Variants in LY96 observed in about 807,000 individuals in gnomAD.
The protein encoded by LY96 is myeloid differentiation protein-2.
In LY96, 18 loss-of-function variants were observed where a neutral mutation model predicts 18.9. The observed-to-expected ratio is 0.95, with a 90% CI of 0.66 to 1.41. LY96 has a LOEUF of 1.41. Among genes scored for constraint, LY96 ranks in the 40% most tolerant of loss-of-function variants. The pLI is 0.00. For synonymous variants in LY96, 66 were observed against 62.6 expected, an observed-to-expected ratio of 1.06 and a Z score of -0.26; for missense variants, 175 against 182.4, an observed-to-expected ratio of 0.96 and a Z score of 0.23.
At chr8:74,059,351 T>C in the LY96 span, among the ~76,000 whole-genome samples, 3 of 152,210 alleles carry the variant, frequency 2.0e-5, no homozygotes, top group Non-Finnish European at 2.9e-5. Context: ...AATCCCAACA[T>C]TATTGTGTGG....
chr8:74,072,759 G>T, the LY96 span, among the ~76,000 whole-genome samples: 1 of 152,272 alleles, frequency 6.6e-6, no homozygotes, highest in African/African-American at 2.4e-5. Flanking sequence ...AAGAGGAAAA[G>T]CCTGAAAGCA....
At chr8:74,049,524 C>T in the LY96 span, among the ~76,000 whole-genome samples, 29 of 151,978 alleles carry the variant, frequency 1.9e-4, no homozygotes, top group Non-Finnish European at 2.9e-5. Flanking sequence ...GAGGTTGATG[C>T]GGCTGATTTC....
intron 1 of LY96, among the ~76,000 whole-genome samples, chr8:73,993,004 G>A (rs573277259): frequency 1.7e-4 from 25 of 151,408 alleles, no homozygotes; most frequent in African/African-American, 3.6e-4. Flanking sequence ...ACAGGTGTGC[G>A]CCACCACACC....
the LY96 span, among the ~76,000 whole-genome samples, chr8:74,041,432 A>G: frequency 6.6e-6 from 1 of 152,230 alleles, no homozygotes; most frequent in South Asian, 2.1e-4. Context: ...AGGGAAGACA[A>G]CCATAAGGTC....
At chr8:74,068,089 A>AATATATATATATATATATATATATATAT in the LY96 span, among the ~76,000 whole-genome samples, 39 of 67,878 alleles carry the variant, frequency 5.7e-4, no homozygotes, top group African/African-American at 8.6e-4. Flanking sequence ...AAAAAAAAAA[A>AATATATATATATATATATATATATATAT]ATATATATAT....
chr8:74,045,028 C>T, the LY96 span, among the ~76,000 whole-genome samples: 1 of 152,282 alleles, frequency 6.6e-6, no homozygotes, highest in African/African-American at 2.4e-5. Context: ...GGCTTCAGAG[C>T]ATGACTGGGT....
Position 73,994,312 on chromosome 8 carries a change from C to T in LY96, c.112+2758C>T, listed in dbSNP as rs1586643724. Among the ~76,000 whole-genome samples, 9 of 152,294 alleles carry T rather than the reference C, an allele frequency of 5.9e-5. 1 individual carries two copies. The South Asian group carries it at 1.9e-3, about 32-fold the overall frequency. Reference sequence around the variant, plus strand: ...TGCCATCCCCACTGCCATATGACTGCCTTCCCGGCCTGAGAGAATCCATCC... The same window carrying T: ...TGCCATCCCCACTGCCATATGACTGTCTTCCCGGCCTGAGAGAATCCATCC... On this transcript the variant is annotated intron_variant, in intron 1 of 4. Coordinates refer to ENST00000284818, the MANE Select transcript of LY96 (RefSeq NM_015364.5).
chr8:74,090,188 G>C, the LY96 span, among the ~76,000 whole-genome samples: 1 of 152,130 alleles, frequency 6.6e-6, no homozygotes, highest in Non-Finnish European at 1.5e-5. Flanking sequence ...AATCATCTAG[G>C]TGGCTTTGGA....
At position 73,996,372 on chromosome 8, in the gene LY96, C is replaced by CCTTCCTTCATTTCTTTCTTTCTTT. The variant is rs1816135382; in HGVS notation, c.112+4821_112+4822insCCTTCATTTCTTTCTTTCTTTCTT. Among the ~76,000 whole-genome samples the CCTTCCTTCATTTCTTTCTTTCTTT allele has an allele frequency of 1.2e-3, 132 of 111,006 alleles. 3 individuals are homozygous for CCTTCCTTCATTTCTTTCTTTCTTT. The highest frequency in any genetic ancestry group is 3.5e-3 in the East Asian group (11 of 3,154). 72.8% of individuals were successfully genotyped at this position (111,006 alleles called of 152,430 possible). On this transcript the variant is annotated intron_variant, in intron 1 of 4. Transcript: ENST00000284818. ...TCCTTCCTTCCTTCCTTCCTTCATTCCTTTCTTTCTTTCTTTCTTTCTTTC... is the reference window on the plus strand; with the variant it reads ...TCCTTCCTTCCTTCCTTCCTTCATTCCTTCCTTCATTTCTTTCTTTCTTTCTTTCTTTCTTTCTTTCTTTCTTTC...
At chr8:74,037,313 G>C in the LY96 span, among the ~76,000 whole-genome samples, 2 of 152,086 alleles carry the variant, frequency 1.3e-5, no homozygotes, top group African/African-American at 4.8e-5. Flanking sequence ...AGATGATACT[G>C]TGAACAGAAG....
the LY96 span, among the ~76,000 whole-genome samples, chr8:74,087,893 T>C: frequency 6.6e-6 from 1 of 152,164 alleles, no homozygotes; most frequent in African/African-American, 2.4e-5. Context: ...TTTATGGGTC[T>C]TCCTCTGAAA....
intron 1 of LY96, among the ~76,000 whole-genome samples, chr8:73,999,867 CT>C (rs1301926566): frequency 2.6e-5 from 4 of 152,030 alleles, no homozygotes; most frequent in African/African-American, 9.7e-5. Flanking sequence ...ATATATAAGA[CT>C]ATGTCATCTG....
At chr8:74,081,087 C>CTTTCTTTCTTTCTT in the LY96 span, among the ~76,000 whole-genome samples, 4 of 92,954 alleles carry the variant, frequency 4.3e-5, no homozygotes, top group East Asian at 9.6e-4. Context: ...TTCTCTTTCT[C>CTTTCTTTCTTTCTT]TCTTTCTTTC....
intron 1 of LY96, among the ~76,000 whole-genome samples, chr8:73,994,245 GC>G (rs1816074926): frequency 6.6e-6 from 1 of 152,076 alleles, no homozygotes; most frequent in Non-Finnish European, 1.5e-5. Flanking sequence ...GGGACTGTGG[GC>G]AAGCCACTGG....
At chr8:74,097,410 G>T in the LY96 span, among the ~76,000 whole-genome samples, 5 of 152,120 alleles carry the variant, frequency 3.3e-5, no homozygotes, top group African/African-American at 4.8e-5. Context: ...TAGAAGAGTT[G>T]ATATTTATAA....
chr8:74,067,284 T>C, the LY96 span, among the ~76,000 whole-genome samples: 1 of 152,114 alleles, frequency 6.6e-6, no homozygotes, highest in Admixed American at 6.5e-5. Flanking sequence ...CAGGCTGGAG[T>C]GCAGTGGTGC....
chr8:74,034,414 A>G, the LY96 span, among the ~76,000 whole-genome samples: 13 of 152,194 alleles, frequency 8.5e-5, no homozygotes, highest in Non-Finnish European at 1.3e-4. Flanking sequence ...AGAACCAGAG[A>G]AAGAGGTTGT....
At chr8:74,004,532 C>T (rs1353010250) in intron 1 of LY96, among the ~76,000 whole-genome samples, 2 of 152,130 alleles carry the variant, frequency 1.3e-5, no homozygotes, top group African/African-American at 2.4e-5. Flanking sequence ...TCCTTGCATG[C>T]AGGAGTCTTT....
chr8:74,060,157 AACG>A, the LY96 span, among the ~76,000 whole-genome samples: 40 of 152,010 alleles, frequency 2.6e-4, no homozygotes, highest in East Asian at 3.1e-3. Context: ...AAACAACAAC[AACG>A]ACGACGACGA....
Sources: gnomAD v4.1 joint callset for allele counts (sites outside exome capture counted in the v4.1 genomes callset) on GRCh38, gnomAD v4.1.1 for gene constraint, MANE v1.5 for transcripts, NCBI Gene and HGNC (gene_info 2026-07-23, HGNC 2026-07-21) for gene names.